The following WDR27 variants were observed in gnomAD, a reference collection of about 807,000 sequenced individuals.
WDR27 encodes the protein WD repeat domain 27.
Under a neutral mutation model 114.4 loss-of-function variants are expected in WDR27, and 100 were observed. The observed-to-expected ratio is 0.87, with a 90% confidence interval of 0.74 to 1.03. The LOEUF is 1.03. Ranked by LOEUF, WDR27 falls within the 50% of genes least tolerant of loss-of-function variation. The probability of loss-of-function intolerance (pLI) is 0.00; values close to 1 mark genes in which losing one functional copy is unlikely to be tolerated. For synonymous variants in WDR27, 449 were observed against 423.1 expected (o/e 1.06, Z -0.75); for missense variants, 1,129 against 1,092.9 (o/e 1.03, Z -0.47).
chr6:169,516,777 A>T (rs1470252562), intron 25 of WDR27, among the ~76,000 whole-genome samples: 1 of 134,650 alleles, frequency 7.4e-6, no homozygotes, highest in Non-Finnish European at 1.6e-5. Context: ...TGAGAGTTAA[A>T]GGCATGCTCC....
At chr6:169,638,683 G>T (rs1013261652) in intron 17 of WDR27, 23 bp from the exon 18 acceptor site, 1 of 1,584,286 alleles carries the variant, frequency 6.3e-7, no homozygotes, top group African/African-American at 1.3e-5. Flanking sequence ...ACCACAGAAG[G>T]TTACTATTTC....
intron 23 of WDR27, 105 bp from the exon 24 acceptor site, chr6:169,583,039 G>A: frequency 1.1e-6 from 1 of 904,076 alleles, no homozygotes; most frequent in Non-Finnish European, 1.7e-6. Context: ...TAGTTGATCA[G>A]ATACAACAGC....
rs918068576 is a variant in WDR27 at position 169,701,988 on chromosome 6, C to A, written c.-445G>T. ...GCCACACTCCGCCCCACGCTCGCCGCTATGGTTACTTGCCAGCCGACCCAC... is the reference window on the plus strand; with the variant it reads ...GCCACACTCCGCCCCACGCTCGCCGATATGGTTACTTGCCAGCCGACCCAC... On this transcript the variant is annotated 5_prime_UTR_variant, in exon 1 of 26. Transcript: ENST00000448612. 18 of 411,708 alleles carry A rather than the reference C, an allele frequency of 4.4e-5. No homozygotes were observed. Among genetic ancestry groups the A allele is most frequent in the Middle Eastern group, 6.6e-4 (1 of 1,526 alleles). The allele number at this position is 411,708 out of a possible 1,614,324, so 25.5% of individuals were successfully genotyped here.
At chr6:169,445,921 C>A in the WDR27 span, among the ~76,000 whole-genome samples, 268 of 152,238 alleles carry the variant, frequency 1.8e-3, no homozygotes, top group Middle Eastern at 3.4e-3. Context: ...GAGGCAGGCC[C>A]CTGCAGGCCC....
intron 22 of WDR27, among the ~76,000 whole-genome samples, chr6:169,605,228 T>C (rs1374038320): frequency 1.3e-5 from 2 of 149,868 alleles, no homozygotes; most frequent in African/African-American, 2.5e-5. Context: ...AAAGACTCCA[T>C]CAAAAACACT....
At chr6:169,454,167 G>C (rs1474476259), downstream of WDR27, among the ~76,000 whole-genome samples, 1 of 152,188 alleles carries the variant, frequency 6.6e-6, no homozygotes, top group African/African-American at 2.4e-5. Flanking sequence ...TAAAAGAGAG[G>C]AGGCAGGATT....
At chr6:169,632,905 A>T (rs763570571) in intron 21 of WDR27, 42 bp downstream of exon 21, 11 of 1,549,304 alleles carry the variant, frequency 7.1e-6, no homozygotes, top group Non-Finnish European at 9.7e-6. Flanking sequence ...CTTTAAGCAC[A>T]TAGTTTTACA....
intron 18 of WDR27, among the ~76,000 whole-genome samples, chr6:169,637,828 C>T (rs888882299): frequency 1.5e-4 from 23 of 149,964 alleles, no homozygotes; most frequent in African/African-American, 4.7e-4. Context: ...TGTAAGTGTG[C>T]GTATGTGTAT....
intron 4 of WDR27, 79 bp from the exon 5 acceptor site, chr6:169,668,264 G>C (rs762429396): frequency 4.1e-6 from 6 of 1,455,028 alleles, no homozygotes; most frequent in African/African-American, 1.4e-5. Flanking sequence ...AAAGTCAGGT[G>C]TCTGAGCTAA....
chr6:169,470,001 C>A (rs2115325064), intron 25 of WDR27, among the ~76,000 whole-genome samples: 1 of 152,328 alleles, frequency 6.6e-6, no homozygotes, highest in African/African-American at 2.4e-5. Context: ...TCAGGAGGAA[C>A]CATGCCATTC....
intron 25 of WDR27, among the ~76,000 whole-genome samples, chr6:169,500,919 C>T (rs1378105570): frequency 6.6e-6 from 1 of 152,234 alleles, no homozygotes; most frequent in African/African-American, 2.4e-5. Flanking sequence ...CATGCTTATG[C>T]TCCCTAGATG....
chr6:169,565,029 C>A (rs915372819), intron 25 of WDR27, among the ~76,000 whole-genome samples: 1 of 152,042 alleles, frequency 6.6e-6, no homozygotes, highest in African/African-American at 2.4e-5. Flanking sequence ...CTCCCTTCCA[C>A]CAGCCTGAAG....
chr6:169,693,613 ATAAACT>A (rs1209612064), intron 1 of WDR27, among the ~76,000 whole-genome samples: 1 of 152,214 alleles, frequency 6.6e-6, no homozygotes, highest in Admixed American at 6.5e-5. Flanking sequence ...AAGAACTCAC[ATAAACT>A]TAAGGTAAAG....
intron 13 of WDR27, chr6:169,657,904 C>G (rs542126617): frequency 4.2e-5 from 8 of 191,472 alleles, no homozygotes; most frequent in Non-Finnish European, 6.7e-5. Flanking sequence ...AGTACAATCA[C>G]ACGCTCGGGA....
intron 22 of WDR27, among the ~76,000 whole-genome samples, chr6:169,602,987 A>T (rs1808330598): frequency 6.6e-6 from 1 of 151,808 alleles, no homozygotes; most frequent in Non-Finnish European, 1.5e-5. Flanking sequence ...GATTACAGGC[A>T]TTCACCACCA....
At chr6:169,448,788 T>C in the WDR27 span, among the ~76,000 whole-genome samples, 1 of 152,282 alleles carries the variant, frequency 6.6e-6, no homozygotes, top group Non-Finnish European at 1.5e-5. Flanking sequence ...TCCTCTGCCA[T>C]AAGCAGAACC....
intron 22 of WDR27, among the ~76,000 whole-genome samples, chr6:169,607,382 T>C (rs1809427368): frequency 6.9e-6 from 1 of 145,480 alleles, no homozygotes; most frequent in African/African-American, 2.5e-5. Context: ...TGTAGTATAC[T>C]TGTGTGTGTA....
chr6:169,434,713 G>A, the WDR27 span, among the ~76,000 whole-genome samples: 66 of 152,324 alleles, frequency 4.3e-4, no homozygotes, highest in African/African-American at 1.5e-3. Flanking sequence ...CATTCAAGAT[G>A]TGACTTGTGT....
chr6:169,548,760 A>G (rs1392594003), intron 25 of WDR27, among the ~76,000 whole-genome samples: 1 of 152,228 alleles, frequency 6.6e-6, no homozygotes, highest in Non-Finnish European at 1.5e-5. Flanking sequence ...AAATACAGCC[A>G]ACAGATCTTT....
Sources: gnomAD v4.1 joint callset for allele counts (sites outside exome capture counted in the v4.1 genomes callset) on GRCh38, gnomAD v4.1.1 for gene constraint, MANE v1.5 for transcripts, NCBI Gene and HGNC (gene_info 2026-07-23, HGNC 2026-07-21) for gene names.